The following AATF variants were observed in gnomAD, a reference collection of about 807,000 sequenced individuals.
The protein encoded by AATF is protein AATF.
AATF carries 48 observed loss-of-function variants against 63.7 expected under a neutral mutation model. The ratio of observed to expected loss-of-function variants is 0.75; its 90% CI spans 0.60 to 0.96. The LOEUF is 0.96. AATF is among the 40% of genes least tolerant of loss of function. AATF has a pLI of 0.00. For synonymous variants in AATF, 258 were observed against 247.7 expected (o/e 1.04, Z -0.39); for missense variants, 639 against 685.7 (o/e 0.93, Z 0.76).
intron 11 of AATF, among the ~76,000 whole-genome samples, chr17:37,036,993 G>C (rs967764481): frequency 6.6e-6 from 1 of 151,388 alleles, no homozygotes; most frequent in African/African-American, 2.4e-5. Flanking sequence ...CAGCTCCCAG[G>C]ACAGCATCAT....
In AATF at chr17:37,002,870, T is replaced by C. The variant is rs1206655945; in HGVS notation, c.1398+12013T>C. Among the ~76,000 whole-genome samples the C allele has an allele frequency of 2.6e-5, 4 of 151,180 alleles. No homozygotes were observed. The East Asian group carries it at 7.8e-4, about 29-fold the overall frequency. On this transcript the variant is annotated intron_variant, in intron 8 of 11. Transcript: ENST00000619387. ...AGTACTCCCCAAATTGATCTAAAGC[T>C]TCAAAACAATCCCTATCAACATTCC...
Position 37,022,990 on chromosome 17 carries a change from G to C in AATF, c.1547+1976G>C, listed in dbSNP as rs145900437. ...CTAATAGTACTTCATAGGTGACTAG[G>C]CTGAATGATTATCTTATTTTTTATT... On this transcript the variant is annotated intron_variant, in intron 10 of 11. Coordinates refer to ENST00000619387, the MANE Select transcript of AATF (RefSeq NM_012138.4). Among the ~76,000 whole-genome samples, 734 of 152,216 alleles carry C rather than the reference G, an allele frequency of 4.8e-3. 4 individuals are homozygous for C. Among genetic ancestry groups the C allele is most frequent in the African/African-American group, 0.017 (704 of 41,542 alleles).
At chr17:36,996,224 G>A (rs2071253616) in intron 8 of AATF, among the ~76,000 whole-genome samples, 1 of 152,104 alleles carries the variant, frequency 6.6e-6, no homozygotes, top group Non-Finnish European at 1.5e-5. Flanking sequence ...TTGAGCCCAG[G>A]AGTTTGAGAC....
chr17:36,980,897 AC>A (rs1480972914), intron 4 of AATF, among the ~76,000 whole-genome samples: 1 of 145,470 alleles, frequency 6.9e-6, no homozygotes, highest in Non-Finnish European at 1.5e-5. Context: ...ACTTTGATAA[AC>A]TTTTTTTTTT....
At chr17:37,000,169 G>T (rs1190582416) in intron 8 of AATF, 1 of 152,386 alleles carries the variant, frequency 6.6e-6, no homozygotes, top group Non-Finnish European at 1.5e-5. Context: ...GATAATCCAG[G>T]CAAGCGATGG....
chr17:36,965,264 G>A (rs924453776), intron 4 of AATF, among the ~76,000 whole-genome samples: 1 of 152,142 alleles, frequency 6.6e-6, no homozygotes, highest in South Asian at 2.1e-4. Context: ...GGCTCTAGGG[G>A]AGAAATCTGT....
At chr17:37,026,996 T>TA (rs1369238434) in intron 10 of AATF, among the ~76,000 whole-genome samples, 1 of 152,232 alleles carries the variant, frequency 6.6e-6, no homozygotes, top group Non-Finnish European at 1.5e-5. Context: ...GATAGGGTTG[T>TA]ATATGTAAGA....
At chr17:36,996,637 C>T (rs2071257045) in intron 8 of AATF, among the ~76,000 whole-genome samples, 1 of 152,140 alleles carries the variant, frequency 6.6e-6, no homozygotes, top group African/African-American at 2.4e-5. Context: ...TTCTTTAAGA[C>T]ATTTTCCACC....
chr17:36,954,173 T>C (rs964479069), intron 4 of AATF, among the ~76,000 whole-genome samples: 2 of 145,066 alleles, frequency 1.4e-5, no homozygotes, highest in Admixed American at 7.1e-5. Flanking sequence ...GCTCAAGCAA[T>C]CCTCCCACCT....
intron 11 of AATF, chr17:37,054,726 T>A (rs188397434): frequency 6.6e-6 from 1 of 152,326 alleles, no homozygotes; most frequent in African/African-American, 2.4e-5. Context: ...AATGATGGGG[T>A]CTGGTGCAGG....
intron 4 of AATF, among the ~76,000 whole-genome samples, chr17:36,979,359 G>T (rs2071103289): frequency 6.6e-6 from 1 of 152,178 alleles, no homozygotes; most frequent in African/African-American, 2.4e-5. Context: ...CAAAGCAAAG[G>T]ATTTGCTTGA....
At chr17:36,988,844 T>A in intron 6 of AATF, 124 bp downstream of exon 6, 3 of 972,030 alleles carry the variant, frequency 3.1e-6, no homozygotes, top group Non-Finnish European at 4.5e-6. Flanking sequence ...AATCATTCAT[T>A]TCTATAGCAA....
At chr17:37,032,248 T>C (rs1409167187) in intron 11 of AATF, among the ~76,000 whole-genome samples, 1 of 152,238 alleles carries the variant, frequency 6.6e-6, no homozygotes, top group African/African-American at 2.4e-5. Flanking sequence ...CTTCCTCTTC[T>C]CCCTCATTTA....
intron 11 of AATF, among the ~76,000 whole-genome samples, chr17:37,042,069 T>C (rs892071230): frequency 3.9e-5 from 6 of 152,170 alleles, no homozygotes; most frequent in African/African-American, 1.4e-4. Flanking sequence ...ATGAATTCTC[T>C]ATATTATGGC....
rs1412381495 is a variant in AATF, at chr17:37,014,072, A to G, written c.1399-4933A>G. 7.2e-5 allele frequency among the ~76,000 whole-genome samples: 11 copies of G among 151,984 alleles called. No individual in the cohort carries two copies. In the South Asian group the frequency reaches 1.5e-3, roughly 20 times the overall value. On this transcript the variant is annotated intron_variant, in intron 8 of 11. Coordinates refer to ENST00000619387, the MANE Select transcript of AATF (RefSeq NM_012138.4). Reference sequence around the variant, plus strand: ...ATATCTTATGTCTTGATTTTAGTATACTCATTTACTGAAGTACATCTTTCT... The same window carrying G: ...ATATCTTATGTCTTGATTTTAGTATGCTCATTTACTGAAGTACATCTTTCT...
intron 7 of AATF, among the ~76,000 whole-genome samples, chr17:36,990,543 T>C (rs2071205471): frequency 6.6e-6 from 1 of 151,690 alleles, no homozygotes; most frequent in African/African-American, 2.4e-5. Context: ...CATATTTAAT[T>C]TGAATGAGGG....
intron 8 of AATF, among the ~76,000 whole-genome samples, chr17:37,016,081 A>G (rs889145874): frequency 6.6e-6 from 1 of 152,164 alleles, no homozygotes; most frequent in Non-Finnish European, 1.5e-5. Flanking sequence ...GCGGCCTAAT[A>G]CAATTAGCTT....
intron 10 of AATF, 132 bp downstream of exon 10, chr17:37,021,146 T>G: frequency 1.5e-6 from 1 of 652,836 alleles, no homozygotes; most frequent in Non-Finnish European, 2.4e-6. Context: ...TAAACAATAT[T>G]TGAAGGTTTA....
chr17:37,018,982 C>T (rs199747623), intron 8 of AATF, 23 bp from the exon 9 acceptor site: 291 of 1,603,498 alleles, frequency 1.8e-4, no homozygotes, highest in East Asian at 4.2e-4. Context: ...TAAATAAATT[C>T]GTTGCTTTCC....
Sources: allele counts gnomAD v4.1 joint callset (sites outside exome capture counted in the v4.1 genomes callset), GRCh38; gene constraint gnomAD v4.1.1; transcripts MANE v1.5; gene names NCBI Gene and HGNC (gene_info 2026-07-23, HGNC 2026-07-21).